The following IMMP2L variants were observed in gnomAD, a reference collection of about 807,000 sequenced individuals.
IMMP2L encodes the protein mitochondrial inner membrane protease subunit 2.
In IMMP2L, 18 loss-of-function variants were observed where a neutral mutation model predicts 19.3. The ratio of observed to expected loss-of-function variants is 0.93; its 90% CI spans 0.64 to 1.38. The LOEUF is 1.38. Ranked by LOEUF, IMMP2L falls within the 40% of genes most tolerant of loss-of-function variation. The probability of loss-of-function intolerance (pLI) is 0.00; values close to 1 mark genes in which losing one functional copy is unlikely to be tolerated. For synonymous variants in IMMP2L, 76 were observed against 73.0 expected, an observed-to-expected ratio of 1.04 and a Z score of -0.21; for missense variants, 233 against 218.2, an observed-to-expected ratio of 1.07 and a Z score of -0.43.
intron 5 of IMMP2L, among the ~76,000 whole-genome samples, chr7:110,863,625 G>A (rs1807684118): frequency 6.6e-6 from 1 of 152,048 alleles, no homozygotes. Flanking sequence ...TGAGCCATAG[G>A]TCCCAGACAG....
At chr7:111,477,422 T>C (rs1176622797) in intron 3 of IMMP2L, among the ~76,000 whole-genome samples, 2 of 152,176 alleles carry the variant, frequency 1.3e-5, no homozygotes, top group East Asian at 1.9e-4. Context: ...CTTGTTTGTC[T>C]GAAAAAGAAT....
chr7:110,687,223 C>T (rs1793179489), intron 5 of IMMP2L, among the ~76,000 whole-genome samples: 2 of 151,968 alleles, frequency 1.3e-5, no homozygotes, highest in African/African-American at 4.8e-5. Flanking sequence ...CTCATTCTAC[C>T]CATCTCTCAA....
chr7:111,031,934 A>ATTTTT (rs57560784), intron 3 of IMMP2L, among the ~76,000 whole-genome samples: 2,839 of 107,982 alleles, frequency 0.026, 89 homozygotes, highest in South Asian at 0.053. Flanking sequence ...AACACCAGAG[A>ATTTTT]TTTTTTTTTT....
chr7:111,300,164 C>T (rs192407867), intron 3 of IMMP2L, among the ~76,000 whole-genome samples: 88 of 152,268 alleles, frequency 5.8e-4, no homozygotes, highest in African/African-American at 1.9e-3. Flanking sequence ...AAGTATCACA[C>T]ACAACCTAAA....
intron 3 of IMMP2L, among the ~76,000 whole-genome samples, chr7:111,438,693 G>A (rs1234891141): frequency 6.6e-6 from 1 of 151,858 alleles, no homozygotes; most frequent in Non-Finnish European, 1.5e-5. Flanking sequence ...AGAAAGCAGA[G>A]AAAGCCAATG....
At chr7:110,984,050 T>C (rs573412113) in intron 3 of IMMP2L, among the ~76,000 whole-genome samples, 3 of 152,020 alleles carry the variant, frequency 2.0e-5, no homozygotes, top group East Asian at 1.9e-4. Context: ...TCAAAGGGAT[T>C]TGGATATGAT....
chr7:111,241,043 C>T (rs968253676), intron 3 of IMMP2L, among the ~76,000 whole-genome samples: 2 of 151,950 alleles, frequency 1.3e-5, no homozygotes, highest in East Asian at 3.9e-4. Flanking sequence ...TGGCCGTATC[C>T]TTCTCGGAAA....
chr7:111,049,959 G>T (rs1236155360), intron 3 of IMMP2L, among the ~76,000 whole-genome samples: 2 of 152,224 alleles, frequency 1.3e-5, no homozygotes, highest in Non-Finnish European at 1.5e-5. Context: ...AGACTGGTCT[G>T]ATCTTTACCA....
chr7:110,815,727 C>T (rs1329643844), intron 5 of IMMP2L, among the ~76,000 whole-genome samples: 1 of 152,140 alleles, frequency 6.6e-6, no homozygotes, highest in Non-Finnish European at 1.5e-5. Context: ...TTATCCATTT[C>T]TTCTAGATTT....
chr7:110,959,815 T>C (rs1303832878), intron 4 of IMMP2L, among the ~76,000 whole-genome samples: 1 of 151,864 alleles, frequency 6.6e-6, no homozygotes, highest in African/African-American at 2.4e-5. Flanking sequence ...AGGCAGACCT[T>C]TTACATCATC....
At chr7:110,830,263 T>C (rs113579385) in intron 5 of IMMP2L, among the ~76,000 whole-genome samples, 11 of 152,140 alleles carry the variant, frequency 7.2e-5, no homozygotes, top group African/African-American at 2.4e-4. Flanking sequence ...TATGCCTTTT[T>C]AGCAATAGTG....
intron 3 of IMMP2L, among the ~76,000 whole-genome samples, chr7:111,367,716 G>C (rs1160577306): frequency 6.6e-6 from 1 of 151,936 alleles, no homozygotes; most frequent in Non-Finnish European, 1.5e-5. Flanking sequence ...CACACAGCTA[G>C]TGTGAGTCCA....
Position 111,268,569 on chromosome 7 carries a change from C to CTTTTTTTTT in IMMP2L, c.239+218660_239+218668dup, listed in dbSNP as rs762576425. Among the ~76,000 whole-genome samples, 162 of 44,592 alleles carry CTTTTTTTTT rather than the reference C, an allele frequency of 3.6e-3. 32 individuals carry two copies. The highest frequency in any genetic ancestry group is 4.9e-3 in the Non-Finnish European group (130 of 26,636). The allele number at this position is 44,592 out of a possible 152,430, so 29.3% of individuals were successfully genotyped here. On this transcript the variant is annotated intron_variant, in intron 3 of 5. Transcript: ENST00000405709. ...GATATGAGTTAAACTTCACATTTCTCTTTTTTTTTTTTTTTTTTTTTTTTT... is the reference window on the plus strand; with the variant it reads ...GATATGAGTTAAACTTCACATTTCTCTTTTTTTTTTTTTTTTTTTTTTTTTTTTTTTTTT...
At chr7:111,127,565 A>G (rs1212604562) in intron 3 of IMMP2L, among the ~76,000 whole-genome samples, 1 of 152,202 alleles carries the variant, frequency 6.6e-6, no homozygotes, top group Non-Finnish European at 1.5e-5. Context: ...ATAAATTTCC[A>G]GTGAGAGAGA....
chr7:111,422,777 G>T (rs1448855651), intron 3 of IMMP2L, among the ~76,000 whole-genome samples: 3 of 151,764 alleles, frequency 2.0e-5, no homozygotes, highest in Non-Finnish European at 4.4e-5. Flanking sequence ...GGTGAGAGAG[G>T]GCATCCTTGT....
At chr7:111,488,333 C>T (rs1013336219) in intron 2 of IMMP2L, among the ~76,000 whole-genome samples, 2 of 152,078 alleles carry the variant, frequency 1.3e-5, no homozygotes, top group African/African-American at 4.8e-5. Flanking sequence ...TATCCCTCAC[C>T]ACCACCCACA....
At chr7:110,889,665 A>T (rs942216978) in intron 4 of IMMP2L, among the ~76,000 whole-genome samples, 1 of 152,170 alleles carries the variant, frequency 6.6e-6, no homozygotes, top group African/African-American at 2.4e-5. Context: ...ACTGGGCTGA[A>T]ACGAAGGTTA....
At chr7:111,555,343 G>A (rs1023417267) in intron 1 of IMMP2L, among the ~76,000 whole-genome samples, 3 of 152,046 alleles carry the variant, frequency 2.0e-5, no homozygotes, top group Non-Finnish European at 1.5e-5. Context: ...CTGTGGGGCA[G>A]GAAAGAATAG....
In IMMP2L at chr7:111,487,225, C is replaced by T; in HGVS notation, c.239+13G>A. The T allele has an allele frequency of 8.1e-7, 1 of 1,230,762 alleles. No homozygotes were observed. Among genetic ancestry groups the T allele is most frequent in the Non-Finnish European group, 1.2e-6 (1 of 833,138 alleles). 76.2% of individuals were successfully genotyped at this position (1,230,762 alleles called of 1,614,324 possible). On this transcript the variant is annotated intron_variant, in intron 3 of 5. Transcript: ENST00000405709. ...TTTTATATACAAATATAGTATGCTT[C>T]TGAGTTACTTACACCAATGATACAA... is the stretch of plus-strand genomic sequence containing the variant.
Sources: allele counts gnomAD v4.1 joint callset (sites outside exome capture counted in the v4.1 genomes callset), GRCh38; gene constraint gnomAD v4.1.1; transcripts MANE v1.5; gene names NCBI Gene and HGNC (gene_info 2026-07-23, HGNC 2026-07-21).